PPFIA2: variants seen among roughly 807,000 people sequenced by gnomAD.
The protein encoded by PPFIA2 is PPFI scaffold protein A2, also known as liprin-alpha-2.
Under a neutral mutation model 175.5 loss-of-function variants are expected in PPFIA2, and 46 were observed. The observed-to-expected ratio is 0.26, with a 90% CI of 0.21 to 0.34. The LOEUF (loss-of-function observed/expected upper bound fraction) is 0.34. Among genes scored for constraint, PPFIA2 ranks in the 10% least tolerant of loss-of-function variants. PPFIA2 has a pLI of 1.00. For missense variants in PPFIA2, 1,179 were observed against 1,506.1 expected, an observed-to-expected ratio of 0.78 and a Z score of 3.60; for synonymous variants, 568 against 511.4, an observed-to-expected ratio of 1.11 and a Z score of -1.49.
rs374325085 is a variant in PPFIA2 at position 81,432,321 on chromosome 12, C to T, written c.645+7651G>A. Reference sequence around the variant, plus strand: ...CTCGCTTTGTTGCTGAGGCTGGTCTCACACTCCTGAGTTCAAGCGACCCTC... The same window carrying T: ...CTCGCTTTGTTGCTGAGGCTGGTCTTACACTCCTGAGTTCAAGCGACCCTC... On this transcript the variant is annotated intron_variant, in intron 7 of 32. Coordinates refer to ENST00000549396, the MANE Select transcript of PPFIA2 (RefSeq NM_003625.5). Among the ~76,000 whole-genome samples, 23 of 152,148 alleles carry T rather than the reference C, an allele frequency of 1.5e-4. No homozygotes were observed. The South Asian group carries it at 2.3e-3, about 15-fold the overall frequency.
chr12:81,547,205 T>C (rs1220667726), intron 4 of PPFIA2, among the ~76,000 whole-genome samples: 2 of 152,202 alleles, frequency 1.3e-5, no homozygotes, highest in Non-Finnish European at 2.9e-5. Flanking sequence ...TAAATTTCAG[T>C]TGAATTCCAA....
intron 28 of PPFIA2, among the ~76,000 whole-genome samples, chr12:81,272,800 C>A (rs570914749): frequency 6.6e-6 from 1 of 152,052 alleles, no homozygotes; most frequent in South Asian, 2.1e-4. Flanking sequence ...ATAATAAGGG[C>A]AGATCAACTT....
rs529118056 is a variant in PPFIA2, at chr12:81,525,694, A to G, written c.304-67828T>C. 3.9e-5 allele frequency among the ~76,000 whole-genome samples: 6 copies of G among 152,094 alleles called. No homozygotes were observed. In the South Asian group the frequency reaches 1.0e-3, roughly 26 times the overall value. ...GTCTTAAGTTGCTAAATGTGTGGTG[A>G]TTTATTTCCAAGCACTGGAAATTAA... is the stretch of plus-strand genomic sequence containing the variant. On this transcript the variant is annotated intron_variant, in intron 4 of 32. Transcript: ENST00000549396.
chr12:81,321,058 A>AGAGAGAGAGC (rs2053553702), intron 22 of PPFIA2, among the ~76,000 whole-genome samples: 1 of 150,680 alleles, frequency 6.6e-6, no homozygotes, highest in Non-Finnish European at 1.5e-5. Context: ...AATAAAACAG[A>AGAGAGAGAGC]GAGAGAGAGA....
At chr12:81,474,624 A>T (rs1399862607) in intron 4 of PPFIA2, among the ~76,000 whole-genome samples, 4 of 152,318 alleles carry the variant, frequency 2.6e-5, no homozygotes, top group South Asian at 4.1e-4. Flanking sequence ...TCTTTTAAAC[A>T]ATCCCAAATT....
At chr12:81,293,247 A>G (rs769030801) in intron 24 of PPFIA2, among the ~76,000 whole-genome samples, 58 of 151,930 alleles carry the variant, frequency 3.8e-4, no homozygotes, top group Non-Finnish European at 6.6e-4. Context: ...TAATTTAGGA[A>G]TGGAATAAAC....
chr12:81,383,241 T>C (rs1352749407), intron 9 of PPFIA2, among the ~76,000 whole-genome samples: 1 of 152,124 alleles, frequency 6.6e-6, no homozygotes, highest in Admixed American at 6.6e-5. Flanking sequence ...ATACAAAAGA[T>C]ACTTTTAAAA....
At chr12:81,653,642 C>T (rs1016985671) in intron 4 of PPFIA2, among the ~76,000 whole-genome samples, 7 of 152,002 alleles carry the variant, frequency 4.6e-5, no homozygotes, top group Admixed American at 2.0e-4. Context: ...AGATCTTTAA[C>T]TAATGGCATC....
At chr12:81,476,221 A>G (rs765203036) in intron 4 of PPFIA2, among the ~76,000 whole-genome samples, 13 of 152,146 alleles carry the variant, frequency 8.5e-5, no homozygotes, top group Non-Finnish European at 8.8e-5. Flanking sequence ...CTGGTTTTTA[A>G]TGATTTGGTT....
At chr12:81,711,947 TTTC>T (rs2077992160) in intron 3 of PPFIA2, among the ~76,000 whole-genome samples, 1 of 151,028 alleles carries the variant, frequency 6.6e-6, no homozygotes, top group Non-Finnish European at 1.5e-5. Context: ...AAAAAAAAAA[TTTC>T]TTCAAAATTT....
chr12:81,593,741 T>G (rs1277643673), intron 4 of PPFIA2, among the ~76,000 whole-genome samples: 1 of 152,126 alleles, frequency 6.6e-6, no homozygotes, highest in Admixed American at 6.5e-5. Context: ...GCACTTTGAG[T>G]GAAGAGGCAA....
intron 8 of PPFIA2, among the ~76,000 whole-genome samples, chr12:81,397,712 A>T (rs539477045): frequency 6.6e-6 from 1 of 152,170 alleles, no homozygotes; most frequent in South Asian, 2.1e-4. Context: ...CAAGCCATGG[A>T]CATGTACTGG....
chr12:81,488,765 T>C (rs1465041344), intron 4 of PPFIA2, among the ~76,000 whole-genome samples: 4 of 151,764 alleles, frequency 2.6e-5, no homozygotes, highest in African/African-American at 7.3e-5. Context: ...TGAGAATATA[T>C]ATTTATGGGG....
chr12:81,449,047 C>G (rs1438375195), intron 5 of PPFIA2, among the ~76,000 whole-genome samples: 1 of 152,226 alleles, frequency 6.6e-6, no homozygotes, highest in African/African-American at 2.4e-5. Context: ...CTGATCCTCA[C>G]TCTGTAAGAG....
chr12:81,339,658 G>C (rs2057728202), intron 20 of PPFIA2, among the ~76,000 whole-genome samples: 2 of 151,914 alleles, frequency 1.3e-5, no homozygotes, highest in Admixed American at 1.3e-4. Flanking sequence ...TGGAGCACTT[G>C]ATCCATTGTC....
At chr12:81,415,199 AAAAAAAAAAAAATATATATATATATAT>A (rs2044814388) in intron 7 of PPFIA2, among the ~76,000 whole-genome samples, 2 of 57,670 alleles carry the variant, frequency 3.5e-5, no homozygotes, top group African/African-American at 6.3e-5. Flanking sequence ...AAAAAAAAAA[AAAAAAAAAAAAATATATATATATATAT>A]ATATATATAT....
intron 4 of PPFIA2, among the ~76,000 whole-genome samples, chr12:81,624,129 A>C (rs10082971): frequency 0.31 from 46,860 of 151,622 alleles, 8,220 homozygotes; most frequent in Middle Eastern, 0.41. Context: ...TAAGCACTTA[A>C]TGTCAAAAGA....
At chr12:81,419,752 G>C (rs1172571264) in intron 7 of PPFIA2, among the ~76,000 whole-genome samples, 1 of 152,014 alleles carries the variant, frequency 6.6e-6, no homozygotes, top group Non-Finnish European at 1.5e-5. Context: ...ATGACTTCTG[G>C]ATATAAATTA....
chr12:81,628,386 T>TTA (rs1439280556), intron 4 of PPFIA2, among the ~76,000 whole-genome samples: 1 of 147,710 alleles, frequency 6.8e-6, no homozygotes, highest in Non-Finnish European at 1.5e-5. Flanking sequence ...CTTTTTTTTT[T>TTA]TTTTTTTTTT....
Sources: gnomAD v4.1 joint callset for allele counts (sites outside exome capture counted in the v4.1 genomes callset) on GRCh38, gnomAD v4.1.1 for gene constraint, MANE v1.5 for transcripts, NCBI Gene and HGNC (gene_info 2026-07-23, HGNC 2026-07-21) for gene names.